A1CF: variants seen among roughly 807,000 people sequenced by gnomAD.
The protein encoded by A1CF is APOBEC-1 stimulating protein.
In A1CF, 48 loss-of-function variants were observed where a neutral mutation model predicts 68.9. The observed-to-expected ratio is 0.70, with a 90% CI of 0.55 to 0.89. The LOEUF (loss-of-function observed/expected upper bound fraction) is 0.89, where lower values mean the gene tolerates loss of function less well. Ranked by LOEUF, A1CF falls within the 40% of genes least tolerant of loss-of-function variation. The pLI, the probability that A1CF is intolerant of heterozygous loss-of-function variation, is 0.00. For synonymous variants in A1CF, 272 were observed against 260.4 expected, an observed-to-expected ratio of 1.04 and a Z score of -0.43; for missense variants, 653 against 718.9, an observed-to-expected ratio of 0.91 and a Z score of 1.05.
At position 50,828,167 on chromosome 10, in the gene A1CF, C is replaced by T; in HGVS notation, c.733G>A (p.Glu245Lys). The change falls in exon 7 of 13, where the codon GAG (glutamate) becomes AAG (lysine). Residue 245 changes from glutamate to lysine, a missense_variant. Transcript: ENST00000373997. ...VRNLMLSTSE[E>K]MIEKEFNNIK... The stretch of plus-strand genomic sequence containing the variant: ...TTGTTGAATTCCTTTTCAATCATCT[C>T]TTCAGAGGTAGACAGCATAAGATTT... 6.2e-7 allele frequency: 1 copy of T among 1,601,608 alleles called. No individual in the cohort carries two copies. The highest frequency in any genetic ancestry group is 8.5e-7 in the Non-Finnish European group (1 of 1,171,658).
chr10:50,859,861 G>A lies in A1CF; in HGVS notation c.80C>T (p.Thr27Ile). The change falls in exon 3 of 13, where the codon ACA becomes ATA. Residue 27 changes from threonine (T) to isoleucine (I), a missense_variant. Coordinates refer to ENST00000373997, the MANE Select transcript of A1CF (RefSeq NM_014576.4). ...TCCTACCTGGACCAAGCTATATCCT[G>A]TGCGCTGGACCAGTGCGCGGAGGGC... ...EAALRALVQRTGYSLVQENGQ... is the reference protein window; with the variant it reads ...EAALRALVQRIGYSLVQENGQ... The A allele has an allele frequency of 1.9e-6, 3 of 1,613,874 alleles. No individual in the cohort carries two copies. The highest frequency in any genetic ancestry group is 2.5e-6 in the Non-Finnish European group (3 of 1,179,882).
chr10:50,800,428 T>A lies in A1CF; in HGVS notation c.*6301A>T, dbSNP rs1050044831. On this transcript the variant is annotated 3_prime_UTR_variant, in exon 13 of 13. Coordinates refer to ENST00000373997, the MANE Select transcript of A1CF (RefSeq NM_014576.4). ...GGCAATAATAGTGGAAACTTAAGGT[T>A]TAGAACAGAGTTGATTTATTTTCAG... 1.3e-5 allele frequency: 2 copies of A among 152,186 alleles called. No individual in the cohort carries two copies. The highest frequency in any genetic ancestry group is 1.3e-4 in the Admixed American group (2 of 15,280). 9.4% of individuals were successfully genotyped at this position (152,186 alleles called of 1,614,324 possible). A position where few individuals can be genotyped will look rare whatever the true frequency, so the allele number is the denominator to read the frequency against.
chr10:50,857,701 ATC>A (rs1184009046), intron 3 of A1CF, among the ~76,000 whole-genome samples: 2 of 152,194 alleles, frequency 1.3e-5, no homozygotes, highest in Non-Finnish European at 2.9e-5. Context: ...CACTCCTGAA[ATC>A]TCTCACTGTG....
At chr10:50,855,910 A>G (rs1366244831) in intron 3 of A1CF, among the ~76,000 whole-genome samples, 2 of 151,982 alleles carry the variant, frequency 1.3e-5, no homozygotes, top group African/African-American at 4.8e-5. Flanking sequence ...TTGTACAAAA[A>G]CTTTTTTAAA....
Position 50,859,863 on chromosome 10 carries a change from G to T in A1CF, c.78C>A (p.Arg26=). 6.2e-7 allele frequency: 1 copy of T among 1,613,946 alleles called. No homozygotes were observed. Among genetic ancestry groups the T allele is most frequent in the Non-Finnish European group, 8.5e-7 (1 of 1,179,914 alleles). Residue 26 remains arginine (R), a synonymous_variant, in exon 3 of 13, where the codon CGC becomes CGA. Coordinates refer to ENST00000373997, the MANE Select transcript of A1CF (RefSeq NM_014576.4). ...CTACCTGGACCAAGCTATATCCTGT[G>T]CGCTGGACCAGTGCGCGGAGGGCTG... ...KEAALRALVQ[R]TGYSLVQENG...
At chr10:50,827,985 T>A (rs1839045655) in intron 7 of A1CF, 146 bp downstream of exon 7, 2 of 453,526 alleles carry the variant, frequency 4.4e-6, no homozygotes, top group Non-Finnish European at 7.3e-6. Context: ...AAATACAAAC[T>A]ACCGTCAGAG....
At chr10:50,884,084 A>G (rs1035691021) in intron 1 of A1CF, among the ~76,000 whole-genome samples, 9 of 152,306 alleles carry the variant, frequency 5.9e-5, no homozygotes, top group South Asian at 2.1e-4. Context: ...CTTTTCTAAC[A>G]CTGTTTCCTC....
chr10:50,881,284 C>T (rs184049010), intron 1 of A1CF, among the ~76,000 whole-genome samples: 155 of 152,276 alleles, frequency 1.0e-3, no homozygotes, highest in African/African-American at 3.4e-3. Flanking sequence ...CCACTGCGCC[C>T]GGCCTCATCT....
intron 1 of A1CF, among the ~76,000 whole-genome samples, chr10:50,884,160 G>A (rs752139920): frequency 3.3e-5 from 5 of 152,266 alleles, no homozygotes; most frequent in Middle Eastern, 3.4e-3. Context: ...TGAATATAGT[G>A]TAGGAAATGT....
intron 5 of A1CF, among the ~76,000 whole-genome samples, chr10:50,838,110 G>A (rs1028589302): frequency 6.6e-6 from 1 of 152,182 alleles, no homozygotes; most frequent in African/African-American, 2.4e-5. Context: ...ATGCTTAGCA[G>A]AAACGACCCA....
chr10:50,814,840 A>G (rs1838290291), intron 9 of A1CF, among the ~76,000 whole-genome samples: 2 of 152,178 alleles, frequency 1.3e-5, no homozygotes, highest in Admixed American at 1.3e-4. Flanking sequence ...TGGATTGGTT[A>G]ATGAGGTGAT....
intron 3 of A1CF, among the ~76,000 whole-genome samples, chr10:50,849,843 G>C (rs1840157371): frequency 2.1e-5 from 3 of 139,684 alleles, no homozygotes; most frequent in Admixed American, 1.6e-4. Context: ...GCCCAGGCTG[G>C]AGTGCAGTGG....
intron 3 of A1CF, among the ~76,000 whole-genome samples, chr10:50,858,578 T>C (rs1253564219): frequency 2.0e-5 from 3 of 152,164 alleles, no homozygotes; most frequent in Non-Finnish European, 2.9e-5. Context: ...CATATATAAA[T>C]ATTAACAGAT....
intron 1 of A1CF, among the ~76,000 whole-genome samples, chr10:50,871,094 A>G (rs1841244983): frequency 6.6e-6 from 1 of 151,794 alleles, no homozygotes; most frequent in Non-Finnish European, 1.5e-5. Context: ...TTAAATTGAT[A>G]AAGAGCATCT....
intron 1 of A1CF, among the ~76,000 whole-genome samples, chr10:50,877,858 C>T (rs1370666640): frequency 6.6e-6 from 1 of 152,230 alleles, no homozygotes; most frequent in African/African-American, 2.4e-5. Context: ...CGCCGTGGCT[C>T]ACGCCTGTAA....
intron 8 of A1CF, 66 bp from the exon 9 acceptor site, chr10:50,816,345 C>T: frequency 6.6e-7 from 1 of 1,515,610 alleles, no homozygotes; most frequent in Non-Finnish European, 9.1e-7. Flanking sequence ...TGGCTGAGCC[C>T]TAATAACATG....
At chr10:50,824,623 G>T (rs1336473439) in intron 7 of A1CF, 1 of 152,102 alleles carries the variant, frequency 6.6e-6, no homozygotes, top group East Asian at 1.9e-4. Context: ...CATCATACTT[G>T]TTTGTTCCTT....
chr10:50,836,765 C>T (rs1247558131), intron 5 of A1CF, among the ~76,000 whole-genome samples: 1 of 146,708 alleles, frequency 6.8e-6, no homozygotes, highest in Non-Finnish European at 1.5e-5. Flanking sequence ...GTTCAATTCC[C>T]ACCTATGAGT....
intron 7 of A1CF, chr10:50,822,566 A>C (rs530658451): frequency 3.3e-5 from 5 of 152,320 alleles, no homozygotes; most frequent in African/African-American, 1.2e-4. Context: ...AGGACAATTT[A>C]AAGACATTGT....
Sources: gnomAD v4.1 joint callset for allele counts (sites outside exome capture counted in the v4.1 genomes callset) on GRCh38, gnomAD v4.1.1 for gene constraint, MANE v1.5 for transcripts, NCBI Gene and HGNC (gene_info 2026-07-23, HGNC 2026-07-21) for gene names.